The following C2orf80 variants were observed in gnomAD, a reference collection of about 807,000 sequenced individuals.
C2orf80 encodes the protein uncharacterized protein C2orf80.
Under a neutral mutation model 30.2 loss-of-function variants are expected in C2orf80, and 28 were observed. The observed-to-expected ratio is 0.93, with a 90% CI of 0.69 to 1.27. The LOEUF is 1.27. Among genes scored for constraint, C2orf80 ranks in the 50% most tolerant of loss-of-function variants. C2orf80 has a pLI of 0.00. For synonymous variants in C2orf80, 80 were observed against 76.4 expected, an observed-to-expected ratio of 1.05 and a Z score of -0.24; for missense variants, 220 against 231.0, an observed-to-expected ratio of 0.95 and a Z score of 0.31.
chr2:208,174,154 A>G (rs1696201466), intron 6 of C2orf80, among the ~76,000 whole-genome samples: 1 of 152,006 alleles, frequency 6.6e-6, no homozygotes, highest in Non-Finnish European at 1.5e-5. Flanking sequence ...GGTTTTTGCC[A>G]CGTTGCCTAG....
At chr2:208,177,860 C>G (rs765689462) in intron 6 of C2orf80, among the ~76,000 whole-genome samples, 5 of 151,094 alleles carry the variant, frequency 3.3e-5, no homozygotes, top group Admixed American at 6.6e-5. Flanking sequence ...GAGTTTTGCT[C>G]TGTTGCTCAG....
chr2:208,170,385 C>G (rs909055818), intron 8 of C2orf80, among the ~76,000 whole-genome samples: 5 of 152,194 alleles, frequency 3.3e-5, no homozygotes, highest in Non-Finnish European at 7.3e-5. Context: ...TTCTTTCCAA[C>G]CCTGTCCATC....
intron 3 of C2orf80, among the ~76,000 whole-genome samples, chr2:208,184,188 C>T (rs1696646378): frequency 1.3e-5 from 2 of 151,450 alleles, no homozygotes; most frequent in Admixed American, 1.3e-4. Flanking sequence ...GCCCCCCTCA[C>T]CCCCGCCCCC....
intron 7 of C2orf80, among the ~76,000 whole-genome samples, chr2:208,171,299 C>T (rs1348169648): frequency 6.6e-6 from 1 of 152,026 alleles, no homozygotes; most frequent in Non-Finnish European, 1.5e-5. Flanking sequence ...GAGGGTGCCA[C>T]CATGGCCAGC....
chr2:208,182,499 G>A (rs759815823), intron 4 of C2orf80, among the ~76,000 whole-genome samples: 3 of 152,160 alleles, frequency 2.0e-5, no homozygotes, highest in Admixed American at 6.5e-5. Flanking sequence ...TCTGCCTCCT[G>A]GGTTCAAGTG....
chr2:208,174,738 T>C lies in C2orf80; in HGVS notation c.367-2663A>G, dbSNP rs997621721. Among the ~76,000 whole-genome samples, 52 of 152,192 alleles carry C rather than the reference T, an allele frequency of 3.4e-4. 1 individual carries two copies. Among genetic ancestry groups the C allele is most frequent in the Admixed American group, 3.4e-3 (52 of 15,280 alleles). ...GTTTGCCTGTGACATGCCCTGGACTTGGATGTCAGTTAGGATGGACTCGAA... is the reference window on the plus strand; with the variant it reads ...GTTTGCCTGTGACATGCCCTGGACTCGGATGTCAGTTAGGATGGACTCGAA... On this transcript the variant is annotated intron_variant, in intron 6 of 8. Coordinates refer to ENST00000341287, the MANE Select transcript of C2orf80 (RefSeq NM_001099334.3).
At chr2:208,178,984 C>A (rs1696461944) in intron 6 of C2orf80, among the ~76,000 whole-genome samples, 1 of 152,106 alleles carries the variant, frequency 6.6e-6, no homozygotes, top group African/African-American at 2.4e-5. Flanking sequence ...GTCTCAAACT[C>A]CCGACCTCAG....
chr2:208,186,636 A>G (rs942722526), intron 2 of C2orf80, among the ~76,000 whole-genome samples: 1 of 152,184 alleles, frequency 6.6e-6, no homozygotes, highest in African/African-American at 2.4e-5. Context: ...GCCCCTTTCA[A>G]CGGTGTATCT....
intron 1 of C2orf80, among the ~76,000 whole-genome samples, chr2:208,187,347 G>C (rs1296818474): frequency 6.6e-6 from 1 of 152,138 alleles, no homozygotes; most frequent in Non-Finnish European, 1.5e-5. Flanking sequence ...TAGCTGATGA[G>C]ACTATTCGGG....
At chr2:208,182,282 A>T (rs1696584203) in intron 4 of C2orf80, among the ~76,000 whole-genome samples, 1 of 152,220 alleles carries the variant, frequency 6.6e-6, no homozygotes, top group Non-Finnish European at 1.5e-5. Flanking sequence ...GCTCAGATAC[A>T]TGTCTGCCTA....
chr2:208,177,415 C>T (rs999935148), intron 6 of C2orf80, among the ~76,000 whole-genome samples: 2 of 152,010 alleles, frequency 1.3e-5, no homozygotes, highest in African/African-American at 4.8e-5. Flanking sequence ...GTAACGCATG[C>T]CTGTAATTCC....
intron 7 of C2orf80, 78 bp downstream of exon 7, chr2:208,171,910 C>G: frequency 8.3e-7 from 1 of 1,197,832 alleles, no homozygotes; most frequent in Non-Finnish European, 1.2e-6. Context: ...ACAATTTTGA[C>G]CTTACCTGGT....
intron 5 of C2orf80, among the ~76,000 whole-genome samples, 181 bp downstream of exon 5, chr2:208,181,037 G>A (rs1171173689): frequency 6.6e-6 from 1 of 152,008 alleles, no homozygotes; most frequent in African/African-American, 2.4e-5. Flanking sequence ...TTAAATAAAT[G>A]TTTTCACATA....
At chr2:208,172,239 G>GA (rs1696125831) in intron 6 of C2orf80, among the ~76,000 whole-genome samples, 164 bp from the exon 7 acceptor site, 1 of 152,212 alleles carries the variant, frequency 6.6e-6, no homozygotes, top group Admixed American at 6.5e-5. Flanking sequence ...TGGGGCACGT[G>GA]AAGTATATGA....
chr2:208,175,488 G>A (rs1440149641), intron 6 of C2orf80, among the ~76,000 whole-genome samples: 1 of 152,104 alleles, frequency 6.6e-6, no homozygotes. Context: ...GCAATCCCGC[G>A]CCTATGACTC....
intron 2 of C2orf80, among the ~76,000 whole-genome samples, chr2:208,186,087 G>C (rs1314536400): frequency 6.6e-6 from 1 of 151,378 alleles, no homozygotes; most frequent in East Asian, 1.9e-4. Context: ...TATAATCTCT[G>C]CTTAAAAGCA....
intron 8 of C2orf80, among the ~76,000 whole-genome samples, chr2:208,167,436 C>T (rs1695931600): frequency 6.6e-6 from 1 of 151,460 alleles, no homozygotes; most frequent in African/African-American, 2.4e-5. Flanking sequence ...ACAGGAGAAT[C>T]GCTTAAACCC....
intron 6 of C2orf80, among the ~76,000 whole-genome samples, chr2:208,173,805 C>T (rs1342416794): frequency 6.6e-6 from 1 of 152,034 alleles, no homozygotes; most frequent in Non-Finnish European, 1.5e-5. Flanking sequence ...AGAGGGTATG[C>T]AGAGAGCTTT....
Position 208,189,933 on chromosome 2 carries a change from C to T in C2orf80, c.-76+20G>A, listed in dbSNP as rs1559346920. On this transcript the variant is annotated intron_variant, in intron 1 of 8. Transcript: ENST00000341287. ...ATTAAGTGCCTGCTCTTAACAAATTCCCCTTTGAGAATCGCTCACCAACCG... is the reference window on the plus strand; with the variant it reads ...ATTAAGTGCCTGCTCTTAACAAATTTCCCTTTGAGAATCGCTCACCAACCG... The T allele has an allele frequency of 5.7e-6, 4 of 702,866 alleles. No homozygotes were observed. The highest frequency in any genetic ancestry group is 1.0e-5 in the Non-Finnish European group (4 of 384,954). The allele number at this position is 702,866 out of a possible 1,614,324, so 43.5% of individuals were successfully genotyped here. A position where few individuals can be genotyped will look rare whatever the true frequency, so the allele number is the denominator to read the frequency against.
Sources: gnomAD v4.1 joint callset for allele counts (sites outside exome capture counted in the v4.1 genomes callset) on GRCh38, gnomAD v4.1.1 for gene constraint, MANE v1.5 for transcripts, NCBI Gene and HGNC (gene_info 2026-07-23, HGNC 2026-07-21) for gene names.